Variants in TFEC observed in about 807,000 individuals in gnomAD.
TFEC encodes transcription factor EC.
TFEC carries 31 observed loss-of-function variants against 41.6 expected under a neutral mutation model. The observed-to-expected ratio is 0.74, with a 90% CI of 0.56 to 1.01. TFEC has a LOEUF of 1.01. Ranked by LOEUF, TFEC falls within the 50% of genes least tolerant of loss-of-function variation. The pLI is 0.00. For synonymous variants in TFEC, 143 were observed against 140.6 expected (o/e 1.02, Z -0.12); for missense variants, 402 against 404.1 (o/e 0.99, Z 0.04).
intron 1 of TFEC, among the ~76,000 whole-genome samples, chr7:116,140,973 C>T (rs764314794): frequency 1.3e-5 from 2 of 152,150 alleles, no homozygotes; most frequent in African/African-American, 2.4e-5. Flanking sequence ...ATCTATAATA[C>T]AATTATTTTG....
intron 3 of TFEC, among the ~76,000 whole-genome samples, chr7:116,083,906 A>T (rs1797146150): frequency 6.6e-6 from 1 of 151,942 alleles, no homozygotes; most frequent in South Asian, 2.1e-4. Flanking sequence ...CCTGTTGATA[A>T]TGAACCTGAA....
At chr7:116,049,665 A>G (rs1796261047) in intron 3 of TFEC, among the ~76,000 whole-genome samples, 1 of 152,250 alleles carries the variant, frequency 6.6e-6, no homozygotes. Flanking sequence ...CCACAAATCA[A>G]CAGAATATAC....
chr7:115,988,892 G>A (rs12535533), intron 1 of TFEC, among the ~76,000 whole-genome samples: 56,213 of 151,860 alleles, frequency 0.37, 11,250 homozygotes, highest in Non-Finnish European at 0.45. Flanking sequence ...CAGAAGCAAA[G>A]ATAAAAATTA....
intron 6 of TFEC, among the ~76,000 whole-genome samples, chr7:115,947,875 C>T (rs1441283629): frequency 6.6e-6 from 1 of 151,668 alleles, no homozygotes; most frequent in Non-Finnish European, 1.5e-5. Context: ...AATAGAGACA[C>T]AAAAAACCCT....
At chr7:116,088,444 G>T (rs576978277) in intron 3 of TFEC, among the ~76,000 whole-genome samples, 2 of 152,194 alleles carry the variant, frequency 1.3e-5, no homozygotes, top group East Asian at 3.9e-4. Context: ...AATGAGACAG[G>T]ATGGTGACCA....
intron 1 of TFEC, among the ~76,000 whole-genome samples, chr7:116,157,619 G>A (rs1382474219): frequency 1.3e-5 from 2 of 152,028 alleles, no homozygotes; most frequent in Non-Finnish European, 2.9e-5. Context: ...GTTGAGTGTG[G>A]GGCTAGGAAG....
intron 1 of TFEC, among the ~76,000 whole-genome samples, chr7:116,117,310 C>T (rs753334574): frequency 2.0e-5 from 3 of 151,804 alleles, no homozygotes; most frequent in Non-Finnish European, 4.4e-5. Flanking sequence ...CAACATTTCA[C>T]CACATAGCAG....
At chr7:115,953,784 G>T (rs1284661041) in intron 5 of TFEC, among the ~76,000 whole-genome samples, 2 of 151,996 alleles carry the variant, frequency 1.3e-5, no homozygotes, top group East Asian at 3.9e-4. Context: ...ACACAGGCAG[G>T]TGCTTTATGA....
chr7:115,995,498 G>A (rs1479309711), intron 1 of TFEC, among the ~76,000 whole-genome samples: 1 of 152,008 alleles, frequency 6.6e-6, no homozygotes. Context: ...ATATTATTTG[G>A]TTGTTACAAG....
chr7:116,022,606 G>C (rs1289207443), intron 1 of TFEC, among the ~76,000 whole-genome samples: 1 of 152,150 alleles, frequency 6.6e-6, no homozygotes, highest in Non-Finnish European at 1.5e-5. Context: ...ACAGGGCAGG[G>C]TAAGGAACAC....
chr7:116,057,770 T>A (rs1796463505), intron 3 of TFEC, among the ~76,000 whole-genome samples: 1 of 151,828 alleles, frequency 6.6e-6, no homozygotes, highest in African/African-American at 2.4e-5. Flanking sequence ...GAAATCAAAG[T>A]ACACAATTGC....
intron 3 of TFEC, among the ~76,000 whole-genome samples, chr7:116,089,549 A>G (rs924771119): frequency 6.6e-6 from 1 of 152,160 alleles, no homozygotes; most frequent in Non-Finnish European, 1.5e-5. Context: ...TTCAATCATG[A>G]AATATGCACT....
intron 3 of TFEC, among the ~76,000 whole-genome samples, chr7:116,091,463 A>C (rs1446374509): frequency 6.6e-6 from 1 of 152,198 alleles, no homozygotes; most frequent in Admixed American, 6.5e-5. Flanking sequence ...CTTCTCCCTC[A>C]GCTAGGTCAT....
intron 3 of TFEC, among the ~76,000 whole-genome samples, chr7:115,972,293 C>T (rs951001377): frequency 1.3e-5 from 2 of 152,076 alleles, no homozygotes; most frequent in African/African-American, 4.8e-5. Flanking sequence ...CTCTGACTAG[C>T]ATTCAAAATG....
At chr7:115,956,603 T>G (rs1792245951) in intron 4 of TFEC, 76 bp downstream of exon 4, 4 of 884,918 alleles carry the variant, frequency 4.5e-6, no homozygotes, top group Non-Finnish European at 6.3e-6. Flanking sequence ...AAAATCCTAG[T>G]TAGCACAATA....
chr7:115,979,747 T>C (rs1267625669), intron 2 of TFEC, among the ~76,000 whole-genome samples: 2 of 152,166 alleles, frequency 1.3e-5, no homozygotes, highest in Non-Finnish European at 2.9e-5. Context: ...ATTCATCCTG[T>C]AAAGGCTCAA....
intron 1 of TFEC, among the ~76,000 whole-genome samples, chr7:116,140,675 C>T (rs1191343158): frequency 6.6e-6 from 1 of 152,072 alleles, no homozygotes; most frequent in African/African-American, 2.4e-5. Context: ...TAACACATAC[C>T]CAGCCATAGA....
rs1179542283 is a variant in TFEC, at chr7:115,949,830, C to A, written c.515+1044G>T. Among the ~76,000 whole-genome samples the A allele has an allele frequency of 9.9e-5, 15 of 152,036 alleles. 1 individual carries two copies. On this transcript the variant is annotated intron_variant, in intron 6 of 7. Transcript: ENST00000265440. ...CTAAAACACCAAAAGCAATGGCAAC[C>A]AAAACCAAAATTGACAAATGGGATC...
At chr7:115,979,518 C>T (rs887902350) in intron 2 of TFEC, among the ~76,000 whole-genome samples, 1 of 152,110 alleles carries the variant, frequency 6.6e-6, no homozygotes, top group Non-Finnish European at 1.5e-5. Context: ...AGTTTGTTCC[C>T]TGAGCATGTG....
Sources: gnomAD v4.1 joint callset for allele counts (sites outside exome capture counted in the v4.1 genomes callset) on GRCh38, gnomAD v4.1.1 for gene constraint, MANE v1.5 for transcripts, NCBI Gene and HGNC (gene_info 2026-07-23, HGNC 2026-07-21) for gene names.